Variants in PALS1 observed in about 807,000 individuals in gnomAD.
The protein encoded by PALS1 is protein associated with LIN7 1, MAGUK p55 family member, also known as protein PALS1.
In PALS1, 31 loss-of-function variants were observed where a neutral mutation model predicts 78.9. That is an observed-to-expected ratio of 0.39 (90% CI 0.30 to 0.53). PALS1 has a LOEUF of 0.53. Among genes scored for constraint, PALS1 ranks in the 20% least tolerant of loss-of-function variants. PALS1 has a pLI of 0.67. For synonymous variants in PALS1, 276 were observed against 270.9 expected (o/e 1.02, Z -0.18); for missense variants, 704 against 826.5 (o/e 0.85, Z 1.82).
intron 4 of PALS1, among the ~76,000 whole-genome samples, chr14:67,300,973 T>C (rs2084925117): frequency 6.6e-6 from 1 of 152,160 alleles, no homozygotes. Context: ...ATTACAGGTG[T>C]GAGCCACTGC....
intron 14 of PALS1, among the ~76,000 whole-genome samples, chr14:67,324,344 C>T (rs566458539): frequency 6.6e-6 from 1 of 152,252 alleles, no homozygotes; most frequent in African/African-American, 2.4e-5. Flanking sequence ...ATTAATAAGA[C>T]AGCATTGACT....
chr14:67,330,214 AG>A (rs913353617), intron 14 of PALS1, among the ~76,000 whole-genome samples: 4 of 150,684 alleles, frequency 2.7e-5, no homozygotes, highest in African/African-American at 9.7e-5. Flanking sequence ...AATAAGTTGG[AG>A]GGCATTTGTC....
At chr14:67,314,530 A>T (rs2085139784) in intron 9 of PALS1, among the ~76,000 whole-genome samples, 1 of 152,204 alleles carries the variant, frequency 6.6e-6, no homozygotes, top group South Asian at 2.1e-4. Context: ...CTTCAGAGTA[A>T]CAGTTACAGG....
chr14:67,298,434 GA>G (rs1230856620), intron 4 of PALS1, among the ~76,000 whole-genome samples: 4 of 151,256 alleles, frequency 2.6e-5, no homozygotes, highest in Admixed American at 2.6e-4. Flanking sequence ...AGAATCGCTT[GA>G]ACCCGGGAGG....
In PALS1 at chr14:67,335,559, G is replaced by GA. The variant is rs1261438603; in HGVS notation, c.*2607dup. 12 of 152,624 alleles carry GA rather than the reference G, an allele frequency of 7.9e-5. No individual in the cohort carries two copies. The highest frequency in any genetic ancestry group is 1.5e-4 in the Non-Finnish European group (10 of 68,046). The allele number at this position is 152,624 out of a possible 1,614,324, so 9.5% of individuals were successfully genotyped here. ...AGACTAATCCAGATTTGCTTTCTAT[G>GA]AAAATCTAATGTCTGGATTATCTTC... On this transcript the variant is annotated 3_prime_UTR_variant, in exon 15 of 15. Transcript: ENST00000261681.
At chr14:67,330,749 G>A (rs2085435926) in intron 14 of PALS1, among the ~76,000 whole-genome samples, 1 of 111,802 alleles carries the variant, frequency 8.9e-6, no homozygotes, top group East Asian at 5.7e-4. Flanking sequence ...TGAGCCCCCG[G>A]CACCCCGCTT....
At chr14:67,323,533 G>A (rs149559557) in intron 13 of PALS1, among the ~76,000 whole-genome samples, 169 bp from the exon 14 acceptor site, 1 of 151,524 alleles carries the variant, frequency 6.6e-6, no homozygotes, top group East Asian at 1.9e-4. Context: ...GGGGCCACTT[G>A]AGTGCAGCAG....
At chr14:67,290,954 T>A (rs1008920004) in intron 3 of PALS1, among the ~76,000 whole-genome samples, 4 of 152,152 alleles carry the variant, frequency 2.6e-5, no homozygotes, top group Non-Finnish European at 5.9e-5. Flanking sequence ...AAATAGAAGT[T>A]AAATAAAGTA....
intron 14 of PALS1, among the ~76,000 whole-genome samples, chr14:67,328,708 T>C (rs2085397657): frequency 6.6e-6 from 1 of 152,226 alleles, no homozygotes; most frequent in South Asian, 2.1e-4. Context: ...CTAGCCAGTT[T>C]TCCCAGCACC....
At chr14:67,274,673 C>G (rs1183932391) in intron 2 of PALS1, among the ~76,000 whole-genome samples, 1 of 152,106 alleles carries the variant, frequency 6.6e-6, no homozygotes, top group Non-Finnish European at 1.5e-5. Context: ...TCATTGGTAG[C>G]TTGATGGGGA....
chr14:67,261,582 C>T (rs1306803331), intron 1 of PALS1, among the ~76,000 whole-genome samples: 1 of 152,072 alleles, frequency 6.6e-6, no homozygotes, highest in Non-Finnish European at 1.5e-5. Flanking sequence ...CAAGTTATGA[C>T]ATGTGGCTCA....
At chr14:67,291,450 A>C (rs2084772576) in intron 3 of PALS1, among the ~76,000 whole-genome samples, 1 of 151,808 alleles carries the variant, frequency 6.6e-6, no homozygotes, top group African/African-American at 2.4e-5. Context: ...GTTCCCGGCT[A>C]ATTTTTGTAT....
intron 13 of PALS1, among the ~76,000 whole-genome samples, chr14:67,321,977 A>G (rs2085269712): frequency 6.6e-6 from 1 of 152,236 alleles, no homozygotes; most frequent in Non-Finnish European, 1.5e-5. Flanking sequence ...AATATTAACA[A>G]GTATCACAGT....
At chr14:67,321,376 T>C in intron 13 of PALS1, 117 bp downstream of exon 13, 2 of 906,112 alleles carry the variant, frequency 2.2e-6, no homozygotes, top group Non-Finnish European at 3.4e-6. Flanking sequence ...TCTCATACGG[T>C]TTTTCCCACT....
intron 4 of PALS1, chr14:67,294,709 GT>G (rs2084819666): frequency 2.0e-5 from 3 of 150,752 alleles, no homozygotes; most frequent in Admixed American, 1.3e-4. Context: ...GTCTTGCACT[GT>G]TGCCCAGGCT....
At chr14:67,313,098 ACAT>A (rs1290715803) in intron 9 of PALS1, among the ~76,000 whole-genome samples, 1 of 152,218 alleles carries the variant, frequency 6.6e-6, no homozygotes, top group Non-Finnish European at 1.5e-5. Context: ...AGGAAAAGTA[ACAT>A]CATAGAATTT....
rs528964078 is a variant in PALS1, at chr14:67,271,594, G to C, written c.-154+1811G>C. The C allele has an allele frequency of 2.0e-5, 3 of 152,390 alleles. No homozygotes were observed. The East Asian group carries it at 5.8e-4, about 29-fold the overall frequency. 9.4% of individuals were successfully genotyped at this position (152,390 alleles called of 1,614,324 possible). On this transcript the variant is annotated intron_variant, in intron 2 of 14. Coordinates refer to ENST00000261681, the MANE Select transcript of PALS1 (RefSeq NM_022474.4). ...GACTTAAAAGAGTAGGCAAAGATCA[G>C]ATCCTAGGCAGTCTGATTCTGGAGG...
At chr14:67,330,112 A>G (rs2085424892) in intron 14 of PALS1, among the ~76,000 whole-genome samples, 1 of 149,962 alleles carries the variant, frequency 6.7e-6, no homozygotes. Flanking sequence ...AAAGAGGAAT[A>G]AAGACACAAT....
At chr14:67,311,419 A>C (rs2085087373) in intron 8 of PALS1, among the ~76,000 whole-genome samples, 1 of 152,120 alleles carries the variant, frequency 6.6e-6, no homozygotes, top group African/African-American at 2.4e-5. Context: ...TGAACTTGGA[A>C]TTTAACCTAT....
Sources: gnomAD v4.1 joint callset for allele counts (sites outside exome capture counted in the v4.1 genomes callset) on GRCh38, gnomAD v4.1.1 for gene constraint, MANE v1.5 for transcripts, NCBI Gene and HGNC (gene_info 2026-07-23, HGNC 2026-07-21) for gene names.